LRP12: variants seen among roughly 807,000 people sequenced by gnomAD.
LRP12 encodes low-density lipoprotein receptor-related protein 12.
A neutral mutation model predicts 66.0 loss-of-function variants in LRP12; 14 were observed. That is an observed-to-expected ratio of 0.21 (90% confidence interval 0.14 to 0.33). LRP12 has a LOEUF of 0.33. LRP12 is among the 10% of genes least tolerant of loss of function. LRP12 has a pLI of 1.00. For missense variants in LRP12, 889 were observed against 1,053.4 expected (o/e 0.84, Z 2.16); for synonymous variants, 357 against 359.1 (o/e 0.99, Z 0.07).
At chr8:104,546,949 ATATAT>A (rs1371653390) in intron 1 of LRP12, among the ~76,000 whole-genome samples, 3 of 142,486 alleles carry the variant, frequency 2.1e-5, no homozygotes, top group African/African-American at 8.0e-5. Context: ...TTTGTATATA[ATATAT>A]AATTATATAT....
rs553493312 is a variant in LRP12 at position 104,553,304 on chromosome 8, A to G, written c.80-21341T>C. On this transcript the variant is annotated intron_variant, in intron 1 of 6. Transcript: ENST00000276654. The stretch of plus-strand genomic sequence containing the variant: ...GCAGGGGCAGAGGCATGAAACCTGA[A>G]AGCCCTGCTTGCTTTCTCAGCAGGG... Among the ~76,000 whole-genome samples, 9 of 152,278 alleles carry G rather than the reference A, an allele frequency of 5.9e-5. No individual in the cohort carries two copies. The South Asian group carries it at 1.9e-3, about 32-fold the overall frequency.
chr8:104,575,525 C>A lies in LRP12; in HGVS notation c.79+13294G>T, dbSNP rs560322857. Reference sequence around the variant, plus strand: ...CAGGAGTCGGGAGCTGAGCACTGGCCCCCTAAAATCTTCCAGAAATGAAGT... The same window carrying A: ...CAGGAGTCGGGAGCTGAGCACTGGCACCCTAAAATCTTCCAGAAATGAAGT... On this transcript the variant is annotated intron_variant, in intron 1 of 6. Coordinates refer to ENST00000276654, the MANE Select transcript of LRP12 (RefSeq NM_013437.5). 4.7e-4 allele frequency among the ~76,000 whole-genome samples: 72 copies of A among 152,214 alleles called. No individual in the cohort carries two copies. In the South Asian group the frequency reaches 0.014, roughly 30 times the overall value.
chr8:104,514,565 A>G (rs79807041), intron 2 of LRP12, among the ~76,000 whole-genome samples: 1 of 144,404 alleles, frequency 6.9e-6, no homozygotes, highest in Non-Finnish European at 1.5e-5. Flanking sequence ...AAAAAAAAAA[A>G]TTAGCCAGGC....
At chr8:104,549,110 C>T (rs1564142649) in intron 1 of LRP12, among the ~76,000 whole-genome samples, 1 of 152,032 alleles carries the variant, frequency 6.6e-6, no homozygotes, top group African/African-American at 2.4e-5. Flanking sequence ...CCCTTGTTTC[C>T]TCTTAAATAT....
chr8:104,503,000 C>T (rs1243979539), intron 3 of LRP12, among the ~76,000 whole-genome samples: 1 of 152,086 alleles, frequency 6.6e-6, no homozygotes, highest in African/African-American at 2.4e-5. Context: ...ACCTGGCCAA[C>T]AAGGTGAAAC....
At chr8:104,555,328 C>A (rs1344208143) in intron 1 of LRP12, among the ~76,000 whole-genome samples, 1 of 152,122 alleles carries the variant, frequency 6.6e-6, no homozygotes, top group African/African-American at 2.4e-5. Flanking sequence ...TCAATACCAA[C>A]ATCGAAGGTA....
At chr8:104,553,906 G>T (rs1460160288) in intron 1 of LRP12, among the ~76,000 whole-genome samples, 1 of 152,186 alleles carries the variant, frequency 6.6e-6, no homozygotes, top group Admixed American at 6.5e-5. Flanking sequence ...TCACTGGAAA[G>T]ATGCTGGTAT....
intron 1 of LRP12, among the ~76,000 whole-genome samples, chr8:104,539,774 G>A (rs1322576669): frequency 6.6e-6 from 1 of 151,972 alleles, no homozygotes; most frequent in Non-Finnish European, 1.5e-5. Context: ...GTCAAATTAT[G>A]TGAGAAGATA....
rs185334460 is a variant in LRP12 at position 104,579,866 on chromosome 8, C to T, written c.79+8953G>A. Among the ~76,000 whole-genome samples the T allele has an allele frequency of 3.3e-5, 5 of 151,974 alleles. No individual in the cohort carries two copies. The East Asian group carries it at 5.8e-4, about 18-fold the overall frequency. On this transcript the variant is annotated intron_variant, in intron 1 of 6. Coordinates refer to ENST00000276654, the MANE Select transcript of LRP12 (RefSeq NM_013437.5). ...ATTCAATAAATGGTGCTGGGGTAAC[C>T]GGCTAGTCATATGCAGAGGACTGAA...
chr8:104,571,680 A>T (rs1230357227), intron 1 of LRP12, among the ~76,000 whole-genome samples: 1 of 152,226 alleles, frequency 6.6e-6, no homozygotes, highest in Non-Finnish European at 1.5e-5. Flanking sequence ...GGTCTCAGGC[A>T]GTTCTTTACA....
intron 2 of LRP12, among the ~76,000 whole-genome samples, chr8:104,531,170 C>T (rs765772460): frequency 6.6e-6 from 1 of 152,056 alleles, no homozygotes; most frequent in Non-Finnish European, 1.5e-5. Flanking sequence ...ACAGTTTTAA[C>T]CACACAAAAC....
intron 1 of LRP12, among the ~76,000 whole-genome samples, chr8:104,545,439 C>T (rs936405624): frequency 6.6e-6 from 1 of 152,238 alleles, no homozygotes; most frequent in Non-Finnish European, 1.5e-5. Flanking sequence ...CAAACAGCAT[C>T]ACATGCTACA....
intron 1 of LRP12, among the ~76,000 whole-genome samples, chr8:104,551,120 A>G (rs1040231657): frequency 1.7e-4 from 26 of 152,134 alleles, no homozygotes; most frequent in African/African-American, 5.6e-4. Context: ...CAGCACTACT[A>G]AAATACATAC....
chr8:104,548,101 TTC>T (rs1329517273), intron 1 of LRP12, among the ~76,000 whole-genome samples: 5 of 117,330 alleles, frequency 4.3e-5, no homozygotes, highest in Non-Finnish European at 8.0e-5. Context: ...TTGTATATAA[TTC>T]TGTTATATTA....
At chr8:104,524,532 G>A (rs1251975288) in intron 2 of LRP12, among the ~76,000 whole-genome samples, 1 of 152,136 alleles carries the variant, frequency 6.6e-6, no homozygotes, top group African/African-American at 2.4e-5. Context: ...TCACATGATG[G>A]AAATTTTATG....
At chr8:104,563,928 A>C (rs990729032) in intron 1 of LRP12, among the ~76,000 whole-genome samples, 3 of 152,186 alleles carry the variant, frequency 2.0e-5, no homozygotes, top group Non-Finnish European at 4.4e-5. Context: ...CATATACATA[A>C]ACAAAAACAC....
intron 1 of LRP12, among the ~76,000 whole-genome samples, chr8:104,559,227 G>C (rs1033642591): frequency 6.6e-6 from 1 of 151,916 alleles, no homozygotes; most frequent in Non-Finnish European, 1.5e-5. Flanking sequence ...ATCAACAAGT[G>C]GATAAAGAAA....
intron 2 of LRP12, among the ~76,000 whole-genome samples, chr8:104,515,061 G>A (rs1362656316): frequency 1.3e-5 from 2 of 152,162 alleles, no homozygotes; most frequent in African/African-American, 4.8e-5. Context: ...ACCTGACACA[G>A]ATAAAAGCCA....
intron 1 of LRP12, among the ~76,000 whole-genome samples, chr8:104,543,053 G>A (rs1811503110): frequency 6.7e-6 from 1 of 149,558 alleles, no homozygotes; most frequent in East Asian, 1.9e-4. Context: ...ACCCAAAGAA[G>A]CATGCACAAA....
Sources: gnomAD v4.1 joint callset for allele counts (sites outside exome capture counted in the v4.1 genomes callset) on GRCh38, gnomAD v4.1.1 for gene constraint, MANE v1.5 for transcripts, NCBI Gene and HGNC (gene_info 2026-07-23, HGNC 2026-07-21) for gene names.